ANKRD30BL: variants seen among roughly 807,000 people sequenced by gnomAD.
ANKRD30BL encodes ankyrin repeat domain 30B like, also known as putative ankyrin repeat domain-containing protein 30B-like.
A neutral mutation model predicts 18.4 loss-of-function variants in ANKRD30BL; 20 were observed. The observed-to-expected ratio is 1.09, with a 90% CI of 0.77 to 1.58. The LOEUF (loss-of-function observed/expected upper bound fraction) is 1.58. Ranked by LOEUF, ANKRD30BL falls within the 40% of genes most tolerant of loss-of-function variation. The probability of loss-of-function intolerance (pLI) is 0.00; values close to 1 mark genes in which losing one functional copy is unlikely to be tolerated. For synonymous variants in ANKRD30BL, 72 were observed against 100.9 expected, an observed-to-expected ratio of 0.71 and a Z score of 1.72; for missense variants, 224 against 268.6, an observed-to-expected ratio of 0.83 and a Z score of 1.16.
chr2:132,230,735 C>A (rs1464946778), intron 1 of ANKRD30BL, among the ~76,000 whole-genome samples: 4 of 152,084 alleles, frequency 2.6e-5, no homozygotes, highest in Non-Finnish European at 5.9e-5. Flanking sequence ...TTTGATAGAG[C>A]AGATTTGAAA....
chr2:132,165,805 A>C (rs199997262), upstream of ANKRD30BL, among the ~76,000 whole-genome samples: 6 of 150,060 alleles, frequency 4.0e-5, no homozygotes, highest in African/African-American at 4.9e-5. Context: ...AACTATGGGC[A>C]TAAGAAATTG....
upstream of ANKRD30BL, among the ~76,000 whole-genome samples, chr2:132,165,765 C>CTTTT (rs542769216): frequency 7.3e-6 from 1 of 137,778 alleles, no homozygotes; most frequent in Non-Finnish European, 1.6e-5. Flanking sequence ...ATATGTAAGA[C>CTTTT]TTTTTTTTTT....
intron 1 of ANKRD30BL, among the ~76,000 whole-genome samples, chr2:132,171,669 G>C (rs1338599767): frequency 6.6e-6 from 1 of 152,152 alleles, no homozygotes; most frequent in Non-Finnish European, 1.5e-5. Flanking sequence ...AAAAAATACA[G>C]TGCAATTGGG....
chr2:132,159,741 T>C (rs201516312), intron 1 of ANKRD30BL, among the ~76,000 whole-genome samples: 1 of 152,150 alleles, frequency 6.6e-6, no homozygotes, highest in Non-Finnish European at 1.5e-5. Flanking sequence ...CTCATTACAG[T>C]TTAATTTAAT....
intron 1 of ANKRD30BL, among the ~76,000 whole-genome samples, chr2:132,246,386 G>A (rs1680501276): frequency 6.6e-6 from 1 of 151,696 alleles, no homozygotes; most frequent in Admixed American, 6.6e-5. Flanking sequence ...CTTTTGATGA[G>A]CAGTTTTGAG....
chr2:132,152,262 C>A (rs1055818044), intron 4 of ANKRD30BL: 1 of 152,188 alleles, frequency 6.6e-6, no homozygotes, highest in Non-Finnish European at 1.5e-5. Context: ...CAACACCTTA[C>A]AGATTTCTAT....
chr2:132,257,218 C>T (rs1240630080), intron 1 of ANKRD30BL: 2 of 409,046 alleles, frequency 4.9e-6, no homozygotes, highest in African/African-American at 2.1e-5. Context: ...GACCGGCATG[C>T]CCCCCACTTG....
chr2:132,212,236 G>A (rs968937632), intron 1 of ANKRD30BL, among the ~76,000 whole-genome samples: 1 of 151,256 alleles, frequency 6.6e-6, no homozygotes, highest in African/African-American at 2.4e-5. Flanking sequence ...GGCCTATGGT[G>A]GAAAAGGGTC....
At chr2:132,191,959 T>C (rs1453632461) in intron 1 of ANKRD30BL, among the ~76,000 whole-genome samples, 2 of 152,080 alleles carry the variant, frequency 1.3e-5, no homozygotes, top group Non-Finnish European at 2.9e-5. Context: ...TTAGCCAGGA[T>C]TGTCTCGATC....
chr2:132,164,253 G>GTTTCTTTTTCTT (rs1234359168), upstream of ANKRD30BL, among the ~76,000 whole-genome samples: 1 of 123,128 alleles, frequency 8.1e-6, no homozygotes, highest in Non-Finnish European at 1.7e-5. Flanking sequence ...CATTTTCTTT[G>GTTTCTTTTTCTT]TTTCTTTTTC....
At chr2:132,223,183 C>G (rs991763910) in intron 1 of ANKRD30BL, among the ~76,000 whole-genome samples, 5 of 151,762 alleles carry the variant, frequency 3.3e-5, no homozygotes, top group Admixed American at 1.3e-4. Flanking sequence ...CAGAGTTGAA[C>G]CTTTCTTTTG....
rs185739346 is a variant in ANKRD30BL, at chr2:132,196,096, C to T, written n.442-38950G>A. Among the ~76,000 whole-genome samples, 305 of 149,464 alleles carry T rather than the reference C, an allele frequency of 2.0e-3. 10 individuals carry two copies. The East Asian group carries it at 0.049, about 24-fold the overall frequency. On this transcript the variant is annotated intron_variant and non_coding_transcript_variant, in intron 1 of 4. Transcript: ENST00000470729. The stretch of plus-strand genomic sequence containing the variant: ...GGCAGAGCTGGCAGTGAGCTGAGAT[C>T]GCGCCACTGCACGCCAGCCTGGGCG...
chr2:132,184,713 T>C (rs1006232659), intron 1 of ANKRD30BL, among the ~76,000 whole-genome samples: 3 of 152,186 alleles, frequency 2.0e-5, no homozygotes, highest in African/African-American at 7.2e-5. Flanking sequence ...CTTTTTTTTT[T>C]CTGATTTTGT....
chr2:132,176,129 C>T (rs1322355009), intron 1 of ANKRD30BL, among the ~76,000 whole-genome samples: 1 of 152,166 alleles, frequency 6.6e-6, no homozygotes, highest in Non-Finnish European at 1.5e-5. Flanking sequence ...CATAGTGGCT[C>T]ATGTCTGTAA....
chr2:132,214,729 T>C (rs982240341), intron 1 of ANKRD30BL, among the ~76,000 whole-genome samples: 3 of 151,828 alleles, frequency 2.0e-5, no homozygotes, highest in African/African-American at 7.3e-5. Context: ...TGTGCATTCA[T>C]CTCACAGAGC....
At chr2:132,222,219 T>C (rs565440730) in intron 1 of ANKRD30BL, among the ~76,000 whole-genome samples, 5,007 of 144,342 alleles carry the variant, frequency 0.035, 279 homozygotes, top group African/African-American at 0.12. Context: ...GGTGGGGGGG[T>C]CAGCCCCCCG....
chr2:132,192,651 C>G (rs1224728413), intron 1 of ANKRD30BL, among the ~76,000 whole-genome samples: 1 of 152,198 alleles, frequency 6.6e-6, no homozygotes, highest in African/African-American at 2.4e-5. Flanking sequence ...GCAGGTAACC[C>G]AGATCCTCAT....
intron 1 of ANKRD30BL, among the ~76,000 whole-genome samples, chr2:132,206,426 G>A (rs1679214063): frequency 6.6e-6 from 1 of 152,102 alleles, no homozygotes; most frequent in Non-Finnish European, 1.5e-5. Flanking sequence ...AGGATGTCTG[G>A]AACTGGTATT....
intron 1 of ANKRD30BL, among the ~76,000 whole-genome samples, chr2:132,252,835 C>G (rs1471143504): frequency 2.6e-5 from 4 of 152,156 alleles, no homozygotes; most frequent in Non-Finnish European, 5.9e-5. Flanking sequence ...CATGAGGGAG[C>G]CCCCAAGGGA....
Sources: gnomAD v4.1 joint callset for allele counts (sites outside exome capture counted in the v4.1 genomes callset) on GRCh38, gnomAD v4.1.1 for gene constraint, MANE v1.5 for transcripts, NCBI Gene and HGNC (gene_info 2026-07-23, HGNC 2026-07-21) for gene names.